The following NPM3 variants were observed in gnomAD, a reference collection of about 807,000 sequenced individuals.
The protein encoded by NPM3 is nucleoplasmin-3.
A neutral mutation model predicts 18.1 loss-of-function variants in NPM3; 12 were observed. The observed-to-expected ratio is 0.66, with a 90% CI of 0.42 to 1.07. The LOEUF (loss-of-function observed/expected upper bound fraction) is 1.07, where lower values mean the gene tolerates loss of function less well. Ranked by LOEUF, NPM3 falls within the 50% of genes least tolerant of loss-of-function variation. The pLI is 0.00. For missense variants in NPM3, 274 were observed against 232.1 expected (o/e 1.18, Z -1.17); for synonymous variants, 116 against 93.7 (o/e 1.24, Z -1.38).
chr10:101,782,839 C>CA lies in NPM3; in HGVS notation c.203dup (p.Met68IlefsTer13). On this transcript the variant is annotated frameshift_variant and splice_region_variant, in exon 2 of 6. Transcript: ENST00000370110. LOFTEE classifies it high-confidence loss of function. Reference sequence around the variant, plus strand: ...AAAACCCCACTCCCCTGCCCCTCACCATGGTTAGTGCCAGCACGTGCTCCG... The same window carrying CA: ...AAAACCCCACTCCCCTGCCCCTCACCAATGGTTAGTGCCAGCACGTGCTCCG... 6.2e-7 allele frequency: 1 copy of CA among 1,614,070 alleles called. No individual in the cohort carries two copies. The highest frequency in any genetic ancestry group is 8.5e-7 in the Non-Finnish European group (1 of 1,179,984).
intron 4 of NPM3, 41 bp downstream of exon 4, chr10:101,782,217 G>A: frequency 1.3e-6 from 2 of 1,541,824 alleles, no homozygotes; most frequent in Non-Finnish European, 1.8e-6. Flanking sequence ...TGATGGGAGA[G>A]TCCACTGGAA....
Position 101,782,490 on chromosome 10 carries a change from G to A in NPM3, c.312C>T (p.Ser104=), listed in dbSNP as rs768147586. Residue 104 remains serine, a synonymous_variant, in exon 3 of 6, where the codon TCC becomes TCT. Coordinates refer to ENST00000370110, the Ensembl canonical transcript of NPM3. ...CTGGGGAACTCACCATGGGTTGGCA[G>A]GACAGCTTGAGGTTGGCCACAGGGA... 3.1e-6 allele frequency: 5 copies of A among 1,612,140 alleles called. No individual in the cohort carries two copies. The South Asian group carries it at 5.5e-5, about 18-fold the overall frequency.
At chr10:101,782,191 C>A in intron 4 of NPM3, 67 bp downstream of exon 4, 1 of 1,371,562 alleles carries the variant, frequency 7.3e-7, no homozygotes, top group South Asian at 1.2e-5. Flanking sequence ...GGCAGGAGTG[C>A]GGAGTGGGGG....
Position 101,782,876 on chromosome 10 carries a change from T to TC in NPM3, c.166dup (p.Glu56GlyfsTer4). ...CAGCACGTGCTCCGCATCATCCTCTTCCTCTACCTTAAAGGTGAAGGAGCG... is the reference window on the plus strand; with the variant it reads ...CAGCACGTGCTCCGCATCATCCTCTTCCCTCTACCTTAAAGGTGAAGGAGCG... On this transcript the variant is annotated frameshift_variant, in exon 2 of 6. Transcript: ENST00000370110. LOFTEE classifies it high-confidence loss of function. 6.2e-7 allele frequency: 1 copy of TC among 1,614,196 alleles called. No homozygotes were observed. Among genetic ancestry groups the TC allele is most frequent in the Non-Finnish European group, 8.5e-7 (1 of 1,180,024 alleles).
chr10:101,782,972 G>A (rs377564000), intron 1 of NPM3, 48 bp from the exon 2 acceptor site: 20 of 1,572,430 alleles, frequency 1.3e-5, no homozygotes, highest in Non-Finnish European at 1.7e-5. Flanking sequence ...ACGGGGCTGG[G>A]CAGCGGGGGA....
chr10:101,781,421 T>C (rs1490122141), exon 6 of NPM3: 3 of 395,444 alleles, frequency 7.6e-6, no homozygotes, highest in Non-Finnish European at 1.4e-5. Flanking sequence ...AACCTCCAAT[T>C]CTCACAGGCA....
At chr10:101,781,960 C>T (rs929157560) in intron 4 of NPM3, 106 bp from the exon 5 acceptor site, 3 of 1,580,714 alleles carry the variant, frequency 1.9e-6, no homozygotes, top group Non-Finnish European at 2.6e-6. Flanking sequence ...GGACCATGAC[C>T]TCCCAGTGCT....
At chr10:101,781,430 C>T (rs542987268) in exon 6 of NPM3, 122 of 411,496 alleles carry the variant, frequency 3.0e-4, no homozygotes, top group Non-Finnish European at 4.0e-4. Context: ...TTCTCACAGG[C>T]AGGTGGGAAG....
chr10:101,783,444 C>G (rs1052251699), upstream of NPM3: 11 of 1,367,902 alleles, frequency 8.0e-6, no homozygotes, highest in Non-Finnish European at 1.1e-5. Flanking sequence ...GCCGGGGACC[C>G]TCGGCCAGTT....
chr10:101,782,725 C>T, intron 2 of NPM3, 114 bp downstream of exon 2: 1 of 1,574,312 alleles, frequency 6.4e-7, no homozygotes, highest in Non-Finnish European at 8.7e-7. Flanking sequence ...GCCGCCCATG[C>T]CGGGGGGTTA....
Position 101,781,718 on chromosome 10 carries a change from G to T in NPM3, c.*9+9C>A, listed in dbSNP as rs779451672. The T allele has an allele frequency of 6.2e-7, 1 of 1,612,324 alleles. No homozygotes were observed. The highest frequency in any genetic ancestry group is 1.3e-5 in the African/African-American group (1 of 74,900). On this transcript the variant is annotated intron_variant, in intron 5 of 5. Coordinates refer to ENST00000370110, the Ensembl canonical transcript of NPM3. The stretch of plus-strand genomic sequence containing the variant: ...CAGAGCCTGCTAGGCACTTCTCCCC[G>T]CAACTCACCTAGGAGGGCTAGGGCC...
chr10:101,782,160 TG>T, intron 4 of NPM3, 97 bp downstream of exon 4: 1 of 1,107,618 alleles, frequency 9.0e-7, no homozygotes, highest in Non-Finnish European at 1.3e-6. Flanking sequence ...AGGGCTGCAC[TG>T]GGAGATGAGG....
intron 2 of NPM3, 62 bp downstream of exon 2, chr10:101,782,777 G>C: frequency 5.0e-6 from 8 of 1,588,572 alleles, no homozygotes; most frequent in Non-Finnish European, 6.9e-6. Flanking sequence ...CCGGAGGTTG[G>C]GTAGAGACCT....
chr10:101,782,865 C>T, exon 2 of NPM3: 1 of 1,614,226 alleles, frequency 6.2e-7, no homozygotes, highest in South Asian at 1.1e-5. Context: ...ACGTGCTCCG[C>T]ATCATCCTCT....
chr10:101,782,500 A>C (rs2065149411), exon 3 of NPM3: 1 of 1,612,990 alleles, frequency 6.2e-7, no homozygotes, highest in African/African-American at 1.3e-5. Flanking sequence ...GGACAGCTTG[A>C]GGTTGGCCAC....
At chr10:101,782,403 C>G in intron 3 of NPM3, 52 bp from the exon 4 acceptor site, 1 of 1,605,190 alleles carries the variant, frequency 6.2e-7, no homozygotes, top group South Asian at 1.1e-5. Context: ...CCACCCCACA[C>G]TGTAATGAGT....
At chr10:101,781,481 T>C (rs1488611259) in exon 6 of NPM3, 1 of 505,570 alleles carries the variant, frequency 2.0e-6, no homozygotes, top group East Asian at 3.5e-5. Flanking sequence ...ACCACGGCTG[T>C]GTGGAGCACA....
chr10:101,783,203 C>G (rs935444), intron 1 of NPM3, 70 bp downstream of exon 1: 434,868 of 1,188,518 alleles, frequency 0.37, 85,360 homozygotes, highest in South Asian at 0.45. Context: ...TGAAACCCTC[C>G]GCATTCCCGC....
intron 1 of NPM3, 32 bp from the exon 2 acceptor site, chr10:101,782,956 G>T (rs779113883): frequency 1.2e-6 from 2 of 1,602,418 alleles, no homozygotes; most frequent in Middle Eastern, 1.6e-4. Context: ...ATGCCTGAGC[G>T]TGTGTACGGG....
Sources: gnomAD v4.1 joint callset for allele counts on GRCh38, gnomAD v4.1.1 for gene constraint, MANE v1.5 for transcripts, NCBI Gene and HGNC (gene_info 2026-07-23, HGNC 2026-07-21) for gene names.